The following CSGALNACT1 variants were observed in gnomAD, a reference collection of about 807,000 sequenced individuals.
CSGALNACT1 encodes the protein beta4GalNAcT-1.
In CSGALNACT1, 52 loss-of-function variants were observed where a neutral mutation model predicts 51.0. The observed-to-expected ratio is 1.02, with a 90% CI of 0.82 to 1.29. The LOEUF (loss-of-function observed/expected upper bound fraction) is 1.29, where lower values mean the gene tolerates loss of function less well. Among genes scored for constraint, CSGALNACT1 ranks in the 50% most tolerant of loss-of-function variants. The pLI is 0.00. For synonymous variants in CSGALNACT1, 341 were observed against 254.4 expected, an observed-to-expected ratio of 1.34 and a Z score of -3.24; for missense variants, 935 against 679.2, an observed-to-expected ratio of 1.38 and a Z score of -4.19.
At chr8:19,701,904 C>G (rs1228821147) in intron 1 of CSGALNACT1, among the ~76,000 whole-genome samples, 4 of 152,164 alleles carry the variant, frequency 2.6e-5, no homozygotes, top group Admixed American at 6.5e-5. Flanking sequence ...TGAATAAACA[C>G]AGATATACTC....
intron 4 of CSGALNACT1, among the ~76,000 whole-genome samples, chr8:19,493,966 C>G (rs11781106): frequency 0.16 from 23,799 of 151,886 alleles, 2,134 homozygotes; most frequent in Non-Finnish European, 0.2. Context: ...GAGAAACTGC[C>G]AAACTATTTT....
chr8:19,515,225 C>T (rs2079286613), intron 3 of CSGALNACT1, among the ~76,000 whole-genome samples: 1 of 152,112 alleles, frequency 6.6e-6, no homozygotes, highest in Admixed American at 6.5e-5. Context: ...TATCTCAGGT[C>T]CTCAGCACCT....
intron 8 of CSGALNACT1, among the ~76,000 whole-genome samples, chr8:19,417,082 T>C (rs1453627701): frequency 6.6e-6 from 1 of 152,118 alleles, no homozygotes; most frequent in Non-Finnish European, 1.5e-5. Context: ...CTCAAACTCC[T>C]GGCCTCAAGT....
intron 1 of CSGALNACT1, among the ~76,000 whole-genome samples, chr8:19,636,939 T>G (rs1269578665): frequency 6.6e-6 from 1 of 151,882 alleles, no homozygotes; most frequent in Non-Finnish European, 1.5e-5. Flanking sequence ...AAGCTTGTAA[T>G]CGCACTTTGG....
intron 3 of CSGALNACT1, among the ~76,000 whole-genome samples, chr8:19,559,839 T>C (rs56303837): frequency 0.11 from 16,444 of 152,152 alleles, 996 homozygotes; most frequent in African/African-American, 0.17. Context: ...ATAGAATCAA[T>C]ACAATGCCAA....
chr8:19,439,448 G>A lies in CSGALNACT1; in HGVS notation c.953+382C>T, dbSNP rs531927095. ...ACTCTTAGGCTCTGAAGCTGTGGCT[G>A]AGACGGAGCTCACTGCCCAGCTGTG... On this transcript the variant is annotated intron_variant, in intron 6 of 9. Transcript: ENST00000454498. Among the ~76,000 whole-genome samples the A allele has an allele frequency of 6.6e-5, 10 of 152,352 alleles. No individual in the cohort carries two copies. The East Asian group carries it at 1.7e-3, about 26-fold the overall frequency.
chr8:19,548,021 C>T (rs1041907695), intron 3 of CSGALNACT1, among the ~76,000 whole-genome samples: 15 of 152,118 alleles, frequency 9.9e-5, no homozygotes, highest in East Asian at 3.9e-4. Context: ...GATGTAACAT[C>T]GCTCACATTA....
At chr8:19,569,597 T>C (rs991447256) in intron 3 of CSGALNACT1, among the ~76,000 whole-genome samples, 11 of 152,150 alleles carry the variant, frequency 7.2e-5, no homozygotes, top group African/African-American at 2.4e-4. Flanking sequence ...ACCAAATGCT[T>C]TCAAGGATGT....
At chr8:19,652,721 T>A (rs889744746) in intron 1 of CSGALNACT1, among the ~76,000 whole-genome samples, 2 of 152,182 alleles carry the variant, frequency 1.3e-5, no homozygotes, top group African/African-American at 2.4e-5. Flanking sequence ...CCACTTAAAA[T>A]CCCTGTGTTA....
intron 3 of CSGALNACT1, among the ~76,000 whole-genome samples, chr8:19,535,525 G>A (rs2083564034): frequency 1.3e-5 from 2 of 152,150 alleles, no homozygotes; most frequent in South Asian, 2.1e-4. Flanking sequence ...AAAATCACTA[G>A]TTCAATTAAA....
chr8:19,738,159 C>T (rs1213282692), intron 1 of CSGALNACT1, among the ~76,000 whole-genome samples: 4 of 152,124 alleles, frequency 2.6e-5, no homozygotes, highest in Non-Finnish European at 4.4e-5. Flanking sequence ...CCCAAGAATT[C>T]GAGGCTGCAG....
intron 4 of CSGALNACT1, among the ~76,000 whole-genome samples, chr8:19,504,383 T>A (rs1347500717): frequency 6.6e-6 from 1 of 152,210 alleles, no homozygotes; most frequent in Non-Finnish European, 1.5e-5. Flanking sequence ...GCCAGATGAA[T>A]TATATTCTTT....
chr8:19,597,462 T>TTTTA (rs1332372243), intron 2 of CSGALNACT1, among the ~76,000 whole-genome samples: 16 of 151,780 alleles, frequency 1.1e-4, no homozygotes, highest in Admixed American at 6.6e-4. Flanking sequence ...GCCTAGCTAA[T>TTTTA]TTTATTTATT....
intron 1 of CSGALNACT1, among the ~76,000 whole-genome samples, chr8:19,730,067 T>C (rs865886027): frequency 1.3e-5 from 2 of 152,110 alleles, no homozygotes; most frequent in African/African-American, 4.8e-5. Flanking sequence ...ACCTTTACAA[T>C]CTTACTGATA....
rs1024573831 is a variant in CSGALNACT1 at position 19,528,576 on chromosome 8, C to T, written c.-296-22446G>A. ...CCCATAGTAAGATTTACTGAGATAC[C>T]TTATGTGAGAATTACTCTTTCTGAG... On this transcript the variant is annotated intron_variant, in intron 3 of 9. Coordinates refer to ENST00000454498, the Ensembl canonical transcript of CSGALNACT1. 9.7e-5 allele frequency among the ~76,000 whole-genome samples: 14 copies of T among 144,820 alleles called. No homozygotes were observed. The East Asian group carries it at 1.4e-3, about 14-fold the overall frequency.
intron 4 of CSGALNACT1, among the ~76,000 whole-genome samples, chr8:19,496,319 C>T (rs1157527729): frequency 6.6e-6 from 1 of 152,152 alleles, no homozygotes; most frequent in Non-Finnish European, 1.5e-5. Flanking sequence ...AAAAGTAAAT[C>T]TTCTAATAAG....
At chr8:19,695,073 G>A (rs550035306) in intron 1 of CSGALNACT1, among the ~76,000 whole-genome samples, 1 of 152,258 alleles carries the variant, frequency 6.6e-6, no homozygotes, top group Admixed American at 6.5e-5. Flanking sequence ...AGAGATTCTA[G>A]TATTTGAACA....
At chr8:19,577,978 T>C (rs1403820548) in intron 3 of CSGALNACT1, among the ~76,000 whole-genome samples, 1 of 152,168 alleles carries the variant, frequency 6.6e-6, no homozygotes, top group Non-Finnish European at 1.5e-5. Context: ...GCGGAATAAC[T>C]GGATCCCATA....
At position 19,678,824 on chromosome 8, in the gene CSGALNACT1, C is replaced by A. The variant is rs2060383288; in HGVS notation, c.-544+3649G>T. 3 of 152,074 alleles carry A rather than the reference C, an allele frequency of 2.0e-5. No homozygotes were observed. The South Asian group carries it at 6.2e-4, about 31-fold the overall frequency. The allele number at this position is 152,074 out of a possible 1,614,324, so 9.4% of individuals were successfully genotyped here. ...GGAGGAGGCATCCAAAAGGACAAGA[C>A]CTGGTAAGTGACACCAAGCAGGTAA... On this transcript the variant is annotated intron_variant, in intron 1 of 9. Transcript: ENST00000332246.
Sources: gnomAD v4.1 joint callset for allele counts (sites outside exome capture counted in the v4.1 genomes callset) on GRCh38, gnomAD v4.1.1 for gene constraint, MANE v1.5 for transcripts, NCBI Gene and HGNC (gene_info 2026-07-23, HGNC 2026-07-21) for gene names.